The following COL15A1 variants were observed in gnomAD, a reference collection of about 807,000 sequenced individuals.
The protein encoded by COL15A1 is collagen alpha-1(XV) chain.
A neutral mutation model predicts 165.9 loss-of-function variants in COL15A1; 111 were observed. The ratio of observed to expected loss-of-function variants is 0.67; its 90% confidence interval spans 0.57 to 0.78. The LOEUF is 0.78. Ranked by LOEUF, COL15A1 falls within the 30% of genes least tolerant of loss-of-function variation. COL15A1 has a pLI of 0.00. For missense variants in COL15A1, 1,745 were observed against 1,789.7 expected, an observed-to-expected ratio of 0.98 and a Z score of 0.45; for synonymous variants, 659 against 674.8, an observed-to-expected ratio of 0.98 and a Z score of 0.36.
intron 31 of COL15A1, among the ~76,000 whole-genome samples, chr9:99,054,158 C>G (rs149431021): frequency 6.6e-6 from 1 of 152,288 alleles, no homozygotes; most frequent in Non-Finnish European, 1.5e-5. Context: ...GGAGAGCCCT[C>G]CTGTTCCCTT....
intron 2 of COL15A1, among the ~76,000 whole-genome samples, chr9:98,950,844 C>A (rs991282312): frequency 3.9e-5 from 6 of 152,078 alleles, no homozygotes; most frequent in African/African-American, 1.5e-4. Context: ...ACCTCATGAT[C>A]CACCCACCTC....
intron 35 of COL15A1, among the ~76,000 whole-genome samples, chr9:99,058,717 T>C (rs1361222981): frequency 6.6e-6 from 1 of 152,216 alleles, no homozygotes; most frequent in Non-Finnish European, 1.5e-5. Context: ...ATCTCACGGA[T>C]GAAGACACTG....
At chr9:98,945,635 A>G (rs1035952447) in intron 2 of COL15A1, among the ~76,000 whole-genome samples, 12 of 152,242 alleles carry the variant, frequency 7.9e-5, no homozygotes, top group Non-Finnish European at 1.8e-4. Context: ...ATCCGATGAT[A>G]GCTTTTCCTG....
chr9:99,059,079 A>T (rs1825770723), intron 35 of COL15A1, among the ~76,000 whole-genome samples: 2 of 152,192 alleles, frequency 1.3e-5, no homozygotes, highest in African/African-American at 4.8e-5. Flanking sequence ...CAGTTGAGGA[A>T]TCATAGACTC....
intron 36 of COL15A1, among the ~76,000 whole-genome samples, chr9:99,061,469 C>T (rs552269463): frequency 3.2e-4 from 49 of 152,302 alleles, no homozygotes; most frequent in South Asian, 1.9e-3. Context: ...TTTAATGTAA[C>T]TACCAAGCTA....
At chr9:99,000,088 C>G (rs1046432770) in intron 6 of COL15A1, among the ~76,000 whole-genome samples, 2 of 152,164 alleles carry the variant, frequency 1.3e-5, no homozygotes, top group East Asian at 3.9e-4. Flanking sequence ...CCAGGCTGGT[C>G]TTGAACTCCT....
intron 26 of COL15A1, among the ~76,000 whole-genome samples, chr9:99,046,411 A>C (rs183772546): frequency 3.3e-4 from 51 of 152,356 alleles, no homozygotes; most frequent in African/African-American, 1.2e-3. Flanking sequence ...AACAAGATCC[A>C]GGTGATTCTT....
At chr9:99,028,158 A>T (rs1215570236) in intron 16 of COL15A1, among the ~76,000 whole-genome samples, 1 of 152,232 alleles carries the variant, frequency 6.6e-6, no homozygotes, top group African/African-American at 2.4e-5. Flanking sequence ...TTAGCACAGC[A>T]CATAGACCAA....
At chr9:99,003,708 G>A in intron 8 of COL15A1, 121 bp downstream of exon 8, 7 of 1,112,710 alleles carry the variant, frequency 6.3e-6, no homozygotes, top group Non-Finnish European at 8.5e-6. Context: ...TCTCATGGGG[G>A]CAGTCTGTCG....
chr9:99,022,259 G>T (rs927381811), intron 13 of COL15A1, 109 bp downstream of exon 13: 1 of 1,412,864 alleles, frequency 7.1e-7, no homozygotes, highest in African/African-American at 1.4e-5. Context: ...GTATCTTGCA[G>T]TCAGACCCTA....
intron 2 of COL15A1, among the ~76,000 whole-genome samples, chr9:98,981,259 A>C (rs568783170): frequency 6.6e-6 from 1 of 152,328 alleles, no homozygotes; most frequent in African/African-American, 2.4e-5. Context: ...GGAGTTCGAG[A>C]CTAGCCTGGC....
chr9:98,944,126 C>T (rs774909394), intron 1 of COL15A1, 36 bp from the exon 2 acceptor site: 2 of 1,614,136 alleles, frequency 1.2e-6, no homozygotes, highest in South Asian at 2.2e-5. Flanking sequence ...ATACTCTTGC[C>T]CGCCTCACCT....
chr9:99,069,911 G>T lies in COL15A1; in HGVS notation c.*25G>T. 1 of 1,553,676 alleles carries T rather than the reference G, an allele frequency of 6.4e-7. No homozygotes were observed. The highest frequency in any genetic ancestry group is 1.8e-5 in the Admixed American group (1 of 54,686). On this transcript the variant is annotated 3_prime_UTR_variant, in exon 42 of 42. Transcript: ENST00000375001. ...ATGGCCTTCTGATGATTCTTAAAGA[G>T]TTTTCAATTTTTTCTTATGTGAAGA... is the stretch of plus-strand genomic sequence containing the variant.
At chr9:99,054,793 A>C in intron 32 of COL15A1, 137 bp downstream of exon 32, 1 of 957,808 alleles carries the variant, frequency 1.0e-6, no homozygotes, top group East Asian at 2.6e-5. Flanking sequence ...GTTTCTAGTG[A>C]AAACCAAGCA....
At chr9:99,006,165 A>G (rs62561249) in intron 9 of COL15A1, among the ~76,000 whole-genome samples, 9,363 of 152,244 alleles carry the variant, frequency 0.061, 388 homozygotes, top group Non-Finnish European at 0.087. Flanking sequence ...CCACTTCCTC[A>G]AGAAGATGTC....
chr9:98,999,857 G>A (rs1292066219), intron 6 of COL15A1, among the ~76,000 whole-genome samples: 3 of 134,056 alleles, frequency 2.2e-5, no homozygotes, highest in Admixed American at 7.4e-5. Context: ...ATCCATTTGC[G>A]TTTTTTTTTT....
Position 98,943,927 on chromosome 9 carries a change from T to TGCC in COL15A1, c.-133_-131dup, listed in dbSNP as rs1837530089. ...CCGGGATTCTGCCCGCCGCCGCCGC[T>TGCC]GCCGAGCGCCGCCTTTGTTCCCTGC... On this transcript the variant is annotated 5_prime_UTR_variant, in exon 1 of 42. Coordinates refer to ENST00000375001, the MANE Select transcript of COL15A1 (RefSeq NM_001855.5). 5 of 1,205,124 alleles carry TGCC rather than the reference T, an allele frequency of 4.1e-6. No homozygotes were observed. The highest frequency in any genetic ancestry group is 4.4e-6 in the Non-Finnish European group (4 of 909,384). 74.7% of individuals were successfully genotyped at this position (1,205,124 alleles called of 1,614,324 possible).
At chr9:98,974,748 A>G (rs543561159) in intron 2 of COL15A1, among the ~76,000 whole-genome samples, 2 of 152,208 alleles carry the variant, frequency 1.3e-5, no homozygotes, top group East Asian at 3.9e-4. Context: ...CCGGCCCCCC[A>G]GTGGGAATAC....
At chr9:99,067,758 C>T (rs1302569971) in intron 40 of COL15A1, among the ~76,000 whole-genome samples, 2 of 152,166 alleles carry the variant, frequency 1.3e-5, no homozygotes, top group Non-Finnish European at 2.9e-5. Context: ...CTTTCCACCT[C>T]CTCTCCCAGA....
Sources: gnomAD v4.1 joint callset for allele counts (sites outside exome capture counted in the v4.1 genomes callset) on GRCh38, gnomAD v4.1.1 for gene constraint, MANE v1.5 for transcripts, NCBI Gene and HGNC (gene_info 2026-07-23, HGNC 2026-07-21) for gene names.